Variants in SEMA6D observed in about 807,000 individuals in gnomAD.
SEMA6D encodes the protein semaphorin-6D.
In SEMA6D, 35 loss-of-function variants were observed where a neutral mutation model predicts 106.6. That is an observed-to-expected ratio of 0.33 (90% CI 0.25 to 0.44). The LOEUF (loss-of-function observed/expected upper bound fraction) is 0.44. SEMA6D is among the 20% of genes least tolerant of loss of function. The pLI is 1.00. For missense variants in SEMA6D, 1,185 were observed against 1,345.9 expected (o/e 0.88, Z 1.87); for synonymous variants, 499 against 487.7 (o/e 1.02, Z -0.31).
intron 1 of SEMA6D, among the ~76,000 whole-genome samples, chr15:47,257,203 G>C (rs1016527684): frequency 2.6e-5 from 4 of 151,864 alleles, no homozygotes; most frequent in African/African-American, 9.7e-5. Flanking sequence ...GACTACAGGT[G>C]CCTGCCACCA....
chr15:47,649,406 C>G (rs2077642847), intron 4 of SEMA6D, among the ~76,000 whole-genome samples: 1 of 152,050 alleles, frequency 6.6e-6, no homozygotes, highest in South Asian at 2.1e-4. Context: ...GTGGCCTGCA[C>G]AGGAAGGGGC....
chr15:47,240,552 CTA>C (rs2032841429), intron 1 of SEMA6D, among the ~76,000 whole-genome samples: 1 of 152,068 alleles, frequency 6.6e-6, no homozygotes, highest in Non-Finnish European at 1.5e-5. Flanking sequence ...CATTTAGTCT[CTA>C]TGATTTTGTA....
chr15:47,526,014 C>T (rs1189616751), intron 3 of SEMA6D, among the ~76,000 whole-genome samples: 1 of 152,244 alleles, frequency 6.6e-6, no homozygotes, highest in Admixed American at 6.5e-5. Flanking sequence ...CTACCACCTC[C>T]TCTTTGGTAA....
At chr15:47,248,699 G>A (rs561423193) in intron 1 of SEMA6D, among the ~76,000 whole-genome samples, 9 of 152,272 alleles carry the variant, frequency 5.9e-5, no homozygotes, top group Admixed American at 1.3e-4. Flanking sequence ...TTATTCCACT[G>A]ATTTACAATG....
intron 3 of SEMA6D, among the ~76,000 whole-genome samples, chr15:47,573,791 A>C (rs1192338865): frequency 6.6e-6 from 1 of 152,226 alleles, no homozygotes; most frequent in Non-Finnish European, 1.5e-5. Flanking sequence ...TGCCTCTTCA[A>C]CTTTATTTTT....
intron 1 of SEMA6D, among the ~76,000 whole-genome samples, chr15:47,366,073 A>G (rs974292134): frequency 1.3e-5 from 2 of 152,246 alleles, no homozygotes; most frequent in African/African-American, 4.8e-5. Context: ...TTACAGGGTC[A>G]ATGTTTTATT....
intron 1 of SEMA6D, among the ~76,000 whole-genome samples, chr15:47,237,729 C>G (rs1179528658): frequency 6.6e-6 from 1 of 152,028 alleles, no homozygotes; most frequent in East Asian, 1.9e-4. Flanking sequence ...CCCCTTTTAA[C>G]TATGACCGTT....
chr15:47,772,896 CAAAAG>C lies in SEMA6D; in HGVS notation c.*1115_*1119del, dbSNP rs1567130532. 1 of 142,060 alleles carries C rather than the reference CAAAAG, an allele frequency of 7.0e-6. No individual in the cohort carries two copies. The highest frequency in any genetic ancestry group is 2.6e-5 in the African/African-American group (1 of 37,980). 8.8% of individuals were successfully genotyped at this position (142,060 alleles called of 1,614,324 possible). A position where few individuals can be genotyped will look rare whatever the true frequency, so the allele number is the denominator to read the frequency against. ...CAAACAAACAAACAAAAATAGAAGACAAAAGAAAGACATATGAAAGGAATTGTAAT... is the reference window on the plus strand; with the variant it reads ...CAAACAAACAAACAAAAATAGAAGACAAAGACATATGAAAGGAATTGTAAT... On this transcript the variant is annotated 3_prime_UTR_variant, in exon 19 of 19. Transcript: ENST00000536845.
intron 4 of SEMA6D, among the ~76,000 whole-genome samples, chr15:47,635,957 T>TAAAAAAA (rs5812405): frequency 7.1e-6 from 1 of 140,734 alleles, no homozygotes. Context: ...ACTTAAATGC[T>TAAAAAAA]AAAAAAAAAA....
chr15:47,518,990 C>CGA (rs1336242466), intron 3 of SEMA6D, among the ~76,000 whole-genome samples: 1 of 151,770 alleles, frequency 6.6e-6, no homozygotes, highest in East Asian at 1.9e-4. Context: ...TTTGGGAGGC[C>CGA]GAGGCAGGTG....
At chr15:47,435,552 CTG>C (rs1341613946) in intron 2 of SEMA6D, among the ~76,000 whole-genome samples, 5 of 152,072 alleles carry the variant, frequency 3.3e-5, no homozygotes, top group Admixed American at 2.0e-4. Flanking sequence ...TAAGGGAAGT[CTG>C]TGGCTGCTGT....
At chr15:47,658,626 C>A (rs2077852770) in intron 4 of SEMA6D, among the ~76,000 whole-genome samples, 1 of 152,076 alleles carries the variant, frequency 6.6e-6, no homozygotes. Flanking sequence ...GCAATCCTTC[C>A]CCCCTCAACT....
chr15:47,265,279 A>G (rs916545851), intron 1 of SEMA6D, among the ~76,000 whole-genome samples: 4 of 151,846 alleles, frequency 2.6e-5, no homozygotes, highest in African/African-American at 7.2e-5. Flanking sequence ...TTTTTTATTG[A>G]TAATAAATCT....
intron 3 of SEMA6D, among the ~76,000 whole-genome samples, chr15:47,539,100 T>C (rs957493227): frequency 1.3e-5 from 2 of 152,218 alleles, no homozygotes; most frequent in East Asian, 1.9e-4. Context: ...TTAGAAAGCA[T>C]ATTGCAAGAA....
intron 3 of SEMA6D, among the ~76,000 whole-genome samples, chr15:47,514,354 A>G (rs1015000320): frequency 7.9e-5 from 12 of 152,076 alleles, no homozygotes; most frequent in African/African-American, 2.2e-4. Context: ...TCTTATGTCA[A>G]CCACTCCCAC....
intron 4 of SEMA6D, among the ~76,000 whole-genome samples, chr15:47,650,043 A>G (rs904033541): frequency 6.6e-6 from 1 of 152,208 alleles, no homozygotes; most frequent in East Asian, 1.9e-4. Context: ...CCACCTCTGC[A>G]TAGACAACAT....
intron 4 of SEMA6D, among the ~76,000 whole-genome samples, chr15:47,655,547 C>A (rs77220548): frequency 0.019 from 2,873 of 152,250 alleles, 88 homozygotes; most frequent in African/African-American, 0.066. Context: ...GAGCATTGCA[C>A]CTTATTTTAA....
In SEMA6D at chr15:47,552,985, A is replaced by T. The variant is rs532496216; in HGVS notation, c.-86-47880A>T. Among the ~76,000 whole-genome samples, 9 of 141,706 alleles carry T rather than the reference A, an allele frequency of 6.4e-5. 1 individual carries two copies. The highest frequency in any genetic ancestry group is 2.4e-4 in the African/African-American group (9 of 38,068). 93.0% of individuals were successfully genotyped at this position (141,706 alleles called of 152,430 possible). On this transcript the variant is annotated intron_variant, in intron 3 of 19. Coordinates refer to the SEMA6D transcript ENST00000558014. ...GTAACCTCGATCTTGGCTAACTGCAACCTCCGCCTCATGGGTTCAAGCGAT... is the reference window on the plus strand; with the variant it reads ...GTAACCTCGATCTTGGCTAACTGCATCCTCCGCCTCATGGGTTCAAGCGAT...
chr15:47,421,415 C>A (rs2041151098), intron 2 of SEMA6D, among the ~76,000 whole-genome samples: 1 of 152,106 alleles, frequency 6.6e-6, no homozygotes, highest in South Asian at 2.1e-4. Context: ...TAACTACCCT[C>A]ATGTATTTGA....
Sources: allele counts gnomAD v4.1 joint callset (sites outside exome capture counted in the v4.1 genomes callset), GRCh38; gene constraint gnomAD v4.1.1; transcripts MANE v1.5; gene names NCBI Gene and HGNC (gene_info 2026-07-23, HGNC 2026-07-21).